Variants in DNALI1 observed in about 807,000 individuals in gnomAD.
DNALI1 encodes axonemal dynein light intermediate polypeptide 1.
In DNALI1, 31 loss-of-function variants were observed where a neutral mutation model predicts 33.9. The ratio of observed to expected loss-of-function variants is 0.91; its 90% confidence interval spans 0.69 to 1.23. The LOEUF (loss-of-function observed/expected upper bound fraction) is 1.23. Among genes scored for constraint, DNALI1 ranks in the 50% most tolerant of loss-of-function variants. DNALI1 has a pLI of 0.00. For synonymous variants in DNALI1, 117 were observed against 129.2 expected (o/e 0.91, Z 0.64); for missense variants, 305 against 323.8 (o/e 0.94, Z 0.44).
Position 37,561,545 on chromosome 1 carries a change from G to A in DNALI1, c.398-12G>A. 6.2e-7 allele frequency: 1 copy of A among 1,613,276 alleles called. No homozygotes were observed. The highest frequency in any genetic ancestry group is 8.5e-7 in the Non-Finnish European group (1 of 1,179,566). On this transcript the variant is annotated splice_polypyrimidine_tract_variant and intron_variant, in intron 3 of 5. Coordinates refer to ENST00000652629, the MANE Select transcript of DNALI1 (RefSeq NM_003462.5). The surrounding 1 kb of genome is among the most constrained non-coding windows in gnomAD (Gnocchi z 4.6). ...CGCCCTGTCTGATCTCATGGTGTGT[G>A]TGCATTGGAAGATGAGTTGATCCGG...
chr1:37,563,724 C>G (rs577510386), intron 5 of DNALI1, among the ~76,000 whole-genome samples: 4 of 152,228 alleles, frequency 2.6e-5, no homozygotes, highest in African/African-American at 9.6e-5. Flanking sequence ...CTCCTGACCT[C>G]ACATGATCTG....
At chr1:37,564,911 G>A in intron 5 of DNALI1, 115 bp from the exon 6 acceptor site, 1 of 1,096,820 alleles carries the variant, frequency 9.1e-7, no homozygotes, top group Admixed American at 1.9e-5. Context: ...AGGGGAAAAA[G>A]AACCCTTGGA....
At position 37,562,264 on chromosome 1, in the gene DNALI1, G is replaced by C. The variant is rs781592854; in HGVS notation, c.741+19G>C. On this transcript the variant is annotated intron_variant, in intron 5 of 5. Transcript: ENST00000652629. This position sits in a 1 kb window ranked among gnomAD's most constrained non-coding sequence, Gnocchi z 5.8. ...GCTGAAGGTAATCAACGCGCAGGGT[G>C]GGGTGGAGGTGCCCCCTGCCCTGCG... 1.9e-6 allele frequency: 3 copies of C among 1,605,126 alleles called. No individual in the cohort carries two copies. The highest frequency in any genetic ancestry group is 1.7e-5 in the Admixed American group (1 of 58,848).
At position 37,561,633 on chromosome 1, in the gene DNALI1, C is replaced by T. The variant is rs1291276468; in HGVS notation, c.474C>T (p.Arg158=). ...TGCTGCGAGTCCGGGACGAGATCCGCATGACCATCGCTGCCTACCAGACCC... is the reference window on the plus strand; with the variant it reads ...TGCTGCGAGTCCGGGACGAGATCCGTATGACCATCGCTGCCTACCAGACCC... ...LLLLRVRDEI[R]MTIAAYQTLY... is the part of the protein sequence containing the mutation. The change falls in exon 4 of 6, where the codon CGC becomes CGT. Residue 158 remains arginine (R), a synonymous_variant. Coordinates refer to ENST00000652629, the MANE Select transcript of DNALI1 (RefSeq NM_003462.5). The surrounding 1 kb of genome is among the most constrained non-coding windows in gnomAD (Gnocchi z 4.6). 1 of 1,613,840 alleles carries T rather than the reference C, an allele frequency of 6.2e-7. No individual in the cohort carries two copies. Among genetic ancestry groups the T allele is most frequent in the African/African-American group, 1.3e-5 (1 of 74,930 alleles).
intron 5 of DNALI1, among the ~76,000 whole-genome samples, chr1:37,563,584 G>A (rs916493861): frequency 8.5e-5 from 13 of 152,070 alleles, no homozygotes; most frequent in African/African-American, 2.9e-4. Context: ...TCTACCTCCC[G>A]GGTTGAAGTG....
Position 37,561,496 on chromosome 1 carries a change from G to C in DNALI1, c.398-61G>C, listed in dbSNP as rs1643437350. 2 of 1,562,640 alleles carry C rather than the reference G, an allele frequency of 1.3e-6. No homozygotes were observed. Among genetic ancestry groups the C allele is most frequent in the East Asian group, 2.3e-5 (1 of 43,976 alleles). On this transcript the variant is annotated intron_variant, in intron 3 of 5. Coordinates refer to ENST00000652629, the MANE Select transcript of DNALI1 (RefSeq NM_003462.5). The surrounding 1 kb of genome is among the most constrained non-coding windows in gnomAD (Gnocchi z 4.6). ...CCCAAGAGGAAGGGTGTTTGCAGTA[G>C]ACATACTGCAAGCCCCCTCCCCACG... is the stretch of plus-strand genomic sequence containing the variant.
chr1:37,561,403 C>A lies in DNALI1; in HGVS notation c.398-154C>A. ...GCAAGGCTCTTTGGGCCACTGAAGG[C>A]ACCCTCCCTGAGGCCCTTCTCTGAG... On this transcript the variant is annotated intron_variant, in intron 3 of 5. Transcript: ENST00000652629. This position sits in a 1 kb window ranked among gnomAD's most constrained non-coding sequence, Gnocchi z 4.6. The A allele has an allele frequency of 1.1e-6, 1 of 937,874 alleles. No individual in the cohort carries two copies. Among genetic ancestry groups the A allele is most frequent in the Non-Finnish European group, 1.6e-6 (1 of 640,198 alleles). 58.1% of individuals were successfully genotyped at this position (937,874 alleles called of 1,614,324 possible). A position where few individuals can be genotyped will look rare whatever the true frequency, so the allele number is the denominator to read the frequency against.
Position 37,559,299 on chromosome 1 carries a change from T to A in DNALI1, c.228-28T>A. On this transcript the variant is annotated intron_variant, in intron 2 of 5. Transcript: ENST00000652629. This position sits in a 1 kb window ranked among gnomAD's most constrained non-coding sequence, Gnocchi z 5.3. ...CTAGGGACCTTCAAGTCAACGGGTT[T>A]TGCTCAGCCTCGCTGTGTCTGCCAC... 6.4e-7 allele frequency: 1 copy of A among 1,554,466 alleles called. No homozygotes were observed. Among genetic ancestry groups the A allele is most frequent in the Non-Finnish European group, 8.7e-7 (1 of 1,147,890 alleles).
chr1:37,558,752 C>T (rs1643401450), intron 2 of DNALI1, among the ~76,000 whole-genome samples: 1 of 152,210 alleles, frequency 6.6e-6, no homozygotes, highest in Non-Finnish European at 1.5e-5. Context: ...CACCCCTGCC[C>T]AACATGATCT....
chr1:37,557,941 C>A, intron 2 of DNALI1, 193 bp downstream of exon 2: 1 of 690,900 alleles, frequency 1.4e-6, no homozygotes, highest in Non-Finnish European at 2.3e-6. Context: ...CCCTCATTTC[C>A]TGCATGCTGT....
intron 5 of DNALI1, among the ~76,000 whole-genome samples, chr1:37,563,644 G>T (rs1643465375): frequency 6.6e-6 from 1 of 152,022 alleles, no homozygotes; most frequent in Admixed American, 6.5e-5. Context: ...GCATGTGCCA[G>T]CACGCCCGGC....
At position 37,558,886 on chromosome 1, in the gene DNALI1, C is replaced by T. The variant is rs142998293; in HGVS notation, c.228-441C>T. Among the ~76,000 whole-genome samples, 61 of 152,332 alleles carry T rather than the reference C, an allele frequency of 4.0e-4. 1 individual carries two copies. The East Asian group carries it at 0.011, about 28-fold the overall frequency. ...TGAGGAAAAGGGAAATGGGGGCCTA[C>T]GCAGGCACACACCTTCATGAACCTC... On this transcript the variant is annotated intron_variant, in intron 2 of 5. Coordinates refer to ENST00000652629, the MANE Select transcript of DNALI1 (RefSeq NM_003462.5).
chr1:37,564,050 G>A (rs215200), intron 5 of DNALI1, among the ~76,000 whole-genome samples: 6 of 151,804 alleles, frequency 4.0e-5, no homozygotes, highest in African/African-American at 1.4e-4. Context: ...CCTGGCCAAC[G>A]TGGTGAAACC....
rs1417283281 is a variant in DNALI1, at chr1:37,562,567, C to T, written c.741+322C>T. On this transcript the variant is annotated intron_variant, in intron 5 of 5. Coordinates refer to ENST00000652629, the MANE Select transcript of DNALI1 (RefSeq NM_003462.5). The surrounding 1 kb of genome is among the most constrained non-coding windows in gnomAD (Gnocchi z 5.8). ...TCCCCTGGAAGCTGGTATGTTGGAG[C>T]CTTTCTGGAGGGGGCTGGGCTCCAG... Among the ~76,000 whole-genome samples, 1 of 152,146 alleles carries T rather than the reference C, an allele frequency of 6.6e-6. No homozygotes were observed. The highest frequency in any genetic ancestry group is 1.5e-5 in the Non-Finnish European group (1 of 68,034).
Position 37,566,739 on chromosome 1 carries a change from C to T in DNALI1, c.*1678C>T. On this transcript the variant is annotated 3_prime_UTR_variant, in exon 6 of 6. Transcript: ENST00000652629. Reference sequence around the variant, plus strand: ...TTTCCCTAGCACTGGTGAAGGGCTTCAACTGTCAAACCTCAGAACAAATGC... The same window carrying T: ...TTTCCCTAGCACTGGTGAAGGGCTTTAACTGTCAAACCTCAGAACAAATGC... The T allele has an allele frequency of 2.1e-6, 2 of 938,622 alleles. No individual in the cohort carries two copies. Among genetic ancestry groups the T allele is most frequent in the South Asian group, 1.6e-5 (1 of 63,380 alleles). 58.1% of individuals were successfully genotyped at this position (938,622 alleles called of 1,614,324 possible).
At chr1:37,564,917 T>C in intron 5 of DNALI1, 109 bp from the exon 6 acceptor site, 4 of 1,169,550 alleles carry the variant, frequency 3.4e-6, no homozygotes, top group Non-Finnish European at 5.1e-6. Flanking sequence ...AAAAGAACCC[T>C]TGGAGTGACA....
rs557499297 is a variant in DNALI1 at position 37,559,455 on chromosome 1, G to A, written c.356G>A (p.Gly119Asp). 2 of 1,613,082 alleles carry A rather than the reference G, an allele frequency of 1.2e-6. No individual in the cohort carries two copies. Among genetic ancestry groups the A allele is most frequent in the Middle Eastern group, 1.8e-4 (1 of 5,686 alleles). Reference protein sequence around the residue: ...KLQQRQARETGICPVRRELYS... With the variant: ...KLQQRQARETDICPVRRELYS... ...CAGCAGCGGCAGGCCAGGGAAACAG[G>A]CATCTGCCCTGTCCGCAGGGAACTC... The change falls in exon 3 of 6, where the codon GGC becomes GAC. Residue 119 changes from glycine to aspartate, a missense_variant. Transcript: ENST00000652629. The surrounding 1 kb of genome is among the most constrained non-coding windows in gnomAD (Gnocchi z 5.3).
chr1:37,565,301 G>C lies in DNALI1; in HGVS notation c.*240G>C. 1.8e-6 allele frequency: 1 copy of C among 556,602 alleles called. No homozygotes were observed. The highest frequency in any genetic ancestry group is 3.2e-5 in the Admixed American group (1 of 31,372). The allele number at this position is 556,602 out of a possible 1,614,324, so 34.5% of individuals were successfully genotyped here. On this transcript the variant is annotated 3_prime_UTR_variant, in exon 6 of 6. Coordinates refer to ENST00000652629, the MANE Select transcript of DNALI1 (RefSeq NM_003462.5). Reference sequence around the variant, plus strand: ...CTGGCTGGGCAATGGAAGATGGTGTGGCCCTGTTAGTCTCCGTGTGTGGCT... The same window carrying C: ...CTGGCTGGGCAATGGAAGATGGTGTCGCCCTGTTAGTCTCCGTGTGTGGCT...
Position 37,565,136 on chromosome 1 carries a change from C to T in DNALI1, c.*75C>T. The T allele has an allele frequency of 1.3e-6, 2 of 1,537,278 alleles. No homozygotes were observed. The highest frequency in any genetic ancestry group is 1.8e-6 in the Non-Finnish European group (2 of 1,111,752). ...GTGTTCCTCTGGCAGCCAATAAAATCATCATAAGCCCTTTGTAATAAAAAG... is the reference window on the plus strand; with the variant it reads ...GTGTTCCTCTGGCAGCCAATAAAATTATCATAAGCCCTTTGTAATAAAAAG... On this transcript the variant is annotated 3_prime_UTR_variant, in exon 6 of 6. Transcript: ENST00000652629.
Sources: gnomAD v4.1 joint callset for allele counts (sites outside exome capture counted in the v4.1 genomes callset) on GRCh38, gnomAD v4.1.1 for gene constraint, Gnocchi (gnomAD v3.1) non-coding constraint, MANE v1.5 for transcripts, NCBI Gene and HGNC (gene_info 2026-07-23, HGNC 2026-07-21) for gene names.